Variants in TULP3 observed in about 807,000 individuals in gnomAD.
TULP3 encodes tubby-related protein 3.
TULP3 carries 38 observed loss-of-function variants against 50.7 expected under a neutral mutation model. That is an observed-to-expected ratio of 0.75 (90% confidence interval 0.58 to 0.98). The LOEUF (loss-of-function observed/expected upper bound fraction) is 0.98, where lower values mean the gene tolerates loss of function less well. Among genes scored for constraint, TULP3 ranks in the 50% least tolerant of loss-of-function variants. The pLI is 0.00. For synonymous variants in TULP3, 183 were observed against 196.6 expected (o/e 0.93, Z 0.58); for missense variants, 550 against 568.0 (o/e 0.97, Z 0.32).
chr12:2,938,301 G>A lies in TULP3; in HGVS notation c.1195+16G>A. 1 of 1,611,192 alleles carries A rather than the reference G, an allele frequency of 6.2e-7. No homozygotes were observed. On this transcript the variant is annotated intron_variant, in intron 10 of 10. Transcript: ENST00000448120. ...AAAAATGACCGTAAGCCTCCAGGAG[G>A]GGTTGGGTGGGAAGAGGAGGACAGA...
At chr12:2,933,379 C>A in intron 6 of TULP3, 39 bp from the exon 7 acceptor site, 1 of 1,404,880 alleles carries the variant, frequency 7.1e-7, no homozygotes, top group Non-Finnish European at 1.0e-6. Context: ...GGCAGGTTCT[C>A]TGGACTTCAT....
At position 2,940,063 on chromosome 12, in the gene TULP3, C is replaced by T. The variant is rs1185598483; in HGVS notation, c.*619C>T. The T allele has an allele frequency of 1.6e-6, 2 of 1,289,132 alleles. No individual in the cohort carries two copies. The highest frequency in any genetic ancestry group is 2.0e-6 in the Non-Finnish European group (2 of 988,804). 79.9% of individuals were successfully genotyped at this position (1,289,132 alleles called of 1,614,324 possible). A position where few individuals can be genotyped will look rare whatever the true frequency, so the allele number is the denominator to read the frequency against. On this transcript the variant is annotated 3_prime_UTR_variant, in exon 11 of 11. Transcript: ENST00000448120. ...AATCTTAGTCAAGAGTGGCTGTGAT[C>T]ACATTTGTGATCAATTATGTGAGAA... is the stretch of plus-strand genomic sequence containing the variant.
chr12:2,895,979 TACTCAG>T (rs1454694993), intron 1 of TULP3, among the ~76,000 whole-genome samples: 1 of 151,692 alleles, frequency 6.6e-6, no homozygotes, highest in Non-Finnish European at 1.5e-5. Flanking sequence ...GCATCTTTGT[TACTCAG>T]GCTGGAGTGC....
rs779828004 is a variant in TULP3 at position 2,934,513 on chromosome 12, T to A, written c.876T>A (p.Gly292=). ...GCATCTGCCCCATGAAGGGCCGGGG[T>A]TTGGTAGGAGCGGCCCACACCCGGC... ...DRGICPMKGR[G]LVGAAHTRQE... Residue 292 remains glycine, a synonymous_variant, in exon 8 of 11, where the codon GGT becomes GGA. Transcript: ENST00000448120. The A allele has an allele frequency of 3.8e-5, 61 of 1,604,952 alleles. No individual in the cohort carries two copies. Among genetic ancestry groups the A allele is most frequent in the Non-Finnish European group, 3.5e-5 (41 of 1,176,124 alleles).
At chr12:2,904,073 T>C (rs1043488865) in intron 1 of TULP3, among the ~76,000 whole-genome samples, 4 of 152,172 alleles carry the variant, frequency 2.6e-5, no homozygotes, top group Admixed American at 6.6e-5. Context: ...TGAGCCACCG[T>C]GCCTGGCCTA....
chr12:2,914,653 G>A (rs1015520076), intron 2 of TULP3, among the ~76,000 whole-genome samples: 8 of 151,850 alleles, frequency 5.3e-5, no homozygotes, highest in Admixed American at 5.2e-4. Flanking sequence ...TTGTTTTTGA[G>A]GAGAAGTCTT....
rs772555568 is a variant in TULP3 at position 2,906,948 on chromosome 12, TA to T, written c.42-2575del. On this transcript the variant is annotated intron_variant, in intron 1 of 10. Transcript: ENST00000448120. ...AAGTAAATAAATAAATAATAAATTT[TA>T]AAAAATGAAACTACTAGTCCATAAC... 2.5e-3 allele frequency among the ~76,000 whole-genome samples: 380 copies of T among 152,046 alleles called. 2 individuals are homozygous for T. Among genetic ancestry groups the T allele is most frequent in the Non-Finnish European group, 3.3e-3 (226 of 67,988 alleles).
chr12:2,931,891 G>A (rs1179487261), intron 6 of TULP3, among the ~76,000 whole-genome samples: 1 of 152,100 alleles, frequency 6.6e-6, no homozygotes, highest in African/African-American at 2.4e-5. Flanking sequence ...CAGCCACCTT[G>A]TTAGGTAGGA....
intron 4 of TULP3, among the ~76,000 whole-genome samples, chr12:2,922,914 C>T (rs1169367717): frequency 1.4e-5 from 2 of 147,412 alleles, no homozygotes; most frequent in East Asian, 2.0e-4. Flanking sequence ...AGTGCAGTGA[C>T]GCGATCTCGG....
At chr12:2,920,302 G>A (rs1257512949) in intron 2 of TULP3, among the ~76,000 whole-genome samples, 1 of 152,186 alleles carries the variant, frequency 6.6e-6, no homozygotes, top group Non-Finnish European at 1.5e-5. Context: ...TTGAGCTCAG[G>A]AGTTTGAGAC....
At chr12:2,928,611 T>G (rs1451160349) in intron 4 of TULP3, among the ~76,000 whole-genome samples, 3 of 152,122 alleles carry the variant, frequency 2.0e-5, no homozygotes, top group African/African-American at 7.2e-5. Context: ...CATTGAATTT[T>G]TTTTTTACTG....
At position 2,916,102 on chromosome 12, in the gene TULP3, C is replaced by T. The variant is rs138910546; in HGVS notation, c.94-4661C>T. On this transcript the variant is annotated intron_variant, in intron 2 of 10. Transcript: ENST00000448120. Reference sequence around the variant, plus strand: ...TTGGCTCACTGCAACCTTTGCCTCCCGGGTTCAAGCAATTCTCCTGCCTCA... The same window carrying T: ...TTGGCTCACTGCAACCTTTGCCTCCTGGGTTCAAGCAATTCTCCTGCCTCA... 2.1e-3 allele frequency among the ~76,000 whole-genome samples: 321 copies of T among 152,014 alleles called. 1 individual carries two copies. Among genetic ancestry groups the T allele is most frequent in the African/African-American group, 6.2e-3 (259 of 41,484 alleles).
chr12:2,921,574 T>G (rs1280688385), intron 3 of TULP3, among the ~76,000 whole-genome samples: 1 of 152,142 alleles, frequency 6.6e-6, no homozygotes, highest in African/African-American at 2.4e-5. Context: ...TTCCAACAGA[T>G]AGTTGAAAGG....
At chr12:2,893,608 C>T (rs1238728574) in intron 1 of TULP3, among the ~76,000 whole-genome samples, 2 of 149,796 alleles carry the variant, frequency 1.3e-5, no homozygotes, top group Admixed American at 6.6e-5. Flanking sequence ...GGCGTGAGCC[C>T]CCCAACCCTG....
intron 1 of TULP3, among the ~76,000 whole-genome samples, chr12:2,895,969 G>A (rs1053086313): frequency 3.4e-5 from 5 of 148,616 alleles, no homozygotes; most frequent in South Asian, 2.1e-4. Context: ...AGACGGAGTC[G>A]CATCTTTGTT....
chr12:2,914,005 G>A (rs1283593703), intron 2 of TULP3, among the ~76,000 whole-genome samples: 1 of 152,014 alleles, frequency 6.6e-6, no homozygotes, highest in Admixed American at 6.6e-5. Flanking sequence ...AACGTGTAAT[G>A]ATCAAATTAT....
At position 2,890,935 on chromosome 12, in the gene TULP3, C is replaced by G; in HGVS notation, c.-13C>G. The G allele has an allele frequency of 6.3e-7, 1 of 1,594,768 alleles. No individual in the cohort carries two copies. Among genetic ancestry groups the G allele is most frequent in the Non-Finnish European group, 8.5e-7 (1 of 1,170,944 alleles). ...AGAGTGTGTACGTGGTGGGGGCTTC[C>G]TCGGTGGCGGGCATGGAGGCTTCGC... On this transcript the variant is annotated 5_prime_UTR_variant, in exon 1 of 11. Transcript: ENST00000448120.
intron 1 of TULP3, among the ~76,000 whole-genome samples, chr12:2,905,691 C>T (rs1432567176): frequency 1.6e-5 from 2 of 125,780 alleles, no homozygotes; most frequent in African/African-American, 6.7e-5. Context: ...GTCTGTTCAG[C>T]TTGCCCAGGC....
chr12:2,919,784 T>C (rs1451818916), intron 2 of TULP3, among the ~76,000 whole-genome samples: 1 of 152,004 alleles, frequency 6.6e-6, no homozygotes, highest in Non-Finnish European at 1.5e-5. Flanking sequence ...TCTGTCATGC[T>C]TGTTTCCTGA....
Sources: gnomAD v4.1 joint callset for allele counts (sites outside exome capture counted in the v4.1 genomes callset) on GRCh38, gnomAD v4.1.1 for gene constraint, MANE v1.5 for transcripts, NCBI Gene and HGNC (gene_info 2026-07-23, HGNC 2026-07-21) for gene names.